Variants in SERAC1 observed in about 807,000 individuals in gnomAD.
SERAC1 encodes the protein serine active site containing 1.
A neutral mutation model predicts 85.7 loss-of-function variants in SERAC1; 36 were observed. The observed-to-expected ratio is 0.42, with a 90% CI of 0.32 to 0.55. The LOEUF is 0.55. SERAC1 is among the 20% of genes least tolerant of loss of function. The probability of loss-of-function intolerance (pLI) is 0.11; values close to 1 mark genes in which losing one functional copy is unlikely to be tolerated. For synonymous variants in SERAC1, 242 were observed against 265.3 expected, an observed-to-expected ratio of 0.91 and a Z score of 0.85; for missense variants, 629 against 796.2, an observed-to-expected ratio of 0.79 and a Z score of 2.53.
At position 158,117,975 on chromosome 6, in the gene SERAC1, A is replaced by ACTAT. The variant is rs1303663084; in HGVS notation, c.1309-158_1309-155dup. Among the ~76,000 whole-genome samples, 5 of 152,128 alleles carry ACTAT rather than the reference A, an allele frequency of 3.3e-5. No individual in the cohort carries two copies. Among genetic ancestry groups the ACTAT allele is most frequent in the East Asian group, 1.9e-4 (1 of 5,204 alleles). ...AAGGTACCGTAAAAACAATTCCAGC[A>ACTAT]CTATCTTTTCAAGTCTCTGGTCTCG... On this transcript the variant is annotated intron_variant, in intron 12 of 16. Coordinates refer to ENST00000647468, the MANE Select transcript of SERAC1 (RefSeq NM_032861.4). The surrounding 1 kb of genome is among the most constrained non-coding windows in gnomAD (Gnocchi z 4.3).
chr6:158,146,852 C>G lies in SERAC1; in HGVS notation c.417G>C (p.Lys139Asn). The G allele has an allele frequency of 6.2e-7, 1 of 1,614,020 alleles. No homozygotes were observed. Among genetic ancestry groups the G allele is most frequent in the South Asian group, 1.1e-5 (1 of 91,084 alleles). Reference sequence around the variant, plus strand: ...GCGTGGTTTTGTCATCTGACTTGCTCTTCCGTAGGAGCAGCCACACAGCAC... The same window carrying G: ...GCGTGGTTTTGTCATCTGACTTGCTGTTCCGTAGGAGCAGCCACACAGCAC... ...HECAVWLLLRKSKSDDKTTRL... is the reference protein window; with the variant it reads ...HECAVWLLLRNSKSDDKTTRL... Residue 139 changes from lysine (K) to asparagine (N), a missense_variant, in exon 6 of 17, where the codon AAG (lysine) becomes AAC (asparagine). Lys to Asn is a moderately conservative substitution (Grantham distance 94, BLOSUM62 0). Coordinates refer to ENST00000647468, the MANE Select transcript of SERAC1 (RefSeq NM_032861.4).
At chr6:158,114,412 A>AAATT (rs1195330287) in intron 15 of SERAC1, 14 of 890,826 alleles carry the variant, frequency 1.6e-5, no homozygotes, top group African/African-American at 3.6e-5. Context: ...GAGTACTTTA[A>AAATT]AATTAATACT....
chr6:158,134,348 G>A (rs1265984693), intron 8 of SERAC1, among the ~76,000 whole-genome samples: 1 of 152,150 alleles, frequency 6.6e-6, no homozygotes, highest in Admixed American at 6.5e-5. Context: ...AGCCCTAAAA[G>A]GAACCAAGCC....
intron 5 of SERAC1, 97 bp from the exon 6 acceptor site, chr6:158,147,010 T>C (rs1785077304): frequency 7.8e-7 from 1 of 1,278,000 alleles, no homozygotes; most frequent in Non-Finnish European, 1.1e-6. Flanking sequence ...AAATCTACAA[T>C]TGGAGAGTTA....
intron 1 of SERAC1, among the ~76,000 whole-genome samples, chr6:158,164,518 T>C (rs1233449158): frequency 1.3e-5 from 2 of 152,046 alleles, no homozygotes; most frequent in Admixed American, 6.6e-5. Flanking sequence ...ACATAAAATC[T>C]GAAACACTGA....
intron 8 of SERAC1, among the ~76,000 whole-genome samples, chr6:158,133,498 G>C (rs1784726980): frequency 6.8e-6 from 1 of 146,860 alleles, no homozygotes; most frequent in Non-Finnish European, 1.5e-5. Flanking sequence ...TTATTCTCCT[G>C]CCTCAGCCTC....
intron 10 of SERAC1, among the ~76,000 whole-genome samples, chr6:158,123,860 G>T (rs995720912): frequency 1.3e-5 from 2 of 152,202 alleles, no homozygotes; most frequent in Non-Finnish European, 2.9e-5. Context: ...GGGGTCTGTG[G>T]ATAGAAGATT....
intron 1 of SERAC1, among the ~76,000 whole-genome samples, chr6:158,167,220 T>C (rs919311141): frequency 1.1e-5 from 1 of 92,852 alleles, no homozygotes; most frequent in Admixed American, 1.5e-4. Flanking sequence ...ACACACACGA[T>C]GTTAAAAAAA....
Position 158,119,004 on chromosome 6 carries a change from G to T in SERAC1, c.1308+25C>A. On this transcript the variant is annotated intron_variant, in intron 12 of 16. Coordinates refer to ENST00000647468, the MANE Select transcript of SERAC1 (RefSeq NM_032861.4). The surrounding 1 kb of genome is among the most constrained non-coding windows in gnomAD (Gnocchi z 4.5). ...CCAGCAACCAGGGCCCCAGCAACCA[G>T]GGCCAGAGTCAGTGGCTCCCTTACC... 1 of 1,605,274 alleles carries T rather than the reference G, an allele frequency of 6.2e-7. No individual in the cohort carries two copies. The highest frequency in any genetic ancestry group is 8.5e-7 in the Non-Finnish European group (1 of 1,174,606).
chr6:158,111,682 A>G (rs1462035682), intron 16 of SERAC1, 180 bp from the exon 17 acceptor site: 2 of 484,930 alleles, frequency 4.1e-6, no homozygotes, highest in Non-Finnish European at 7.2e-6. Flanking sequence ...AACATGCAGG[A>G]AGGGATTCTC....
intron 10 of SERAC1, among the ~76,000 whole-genome samples, chr6:158,124,160 T>C (rs908402784): frequency 1.3e-5 from 2 of 152,036 alleles, no homozygotes; most frequent in Non-Finnish European, 2.9e-5. Context: ...TTTTTTTCTA[T>C]AATAAGATAC....
At chr6:158,133,487 G>A (rs751140023) in intron 8 of SERAC1, among the ~76,000 whole-genome samples, 3 of 145,880 alleles carry the variant, frequency 2.1e-5, no homozygotes, top group African/African-American at 7.7e-5. Flanking sequence ...CCGGGTTCAA[G>A]TTATTCTCCT....
At chr6:158,132,425 AGTC>A (rs1784698955) in intron 8 of SERAC1, among the ~76,000 whole-genome samples, 1 of 152,184 alleles carries the variant, frequency 6.6e-6, no homozygotes, top group Non-Finnish European at 1.5e-5. Flanking sequence ...AGTCATGAAA[AGTC>A]GTCCTTCTCT....
At chr6:158,158,116 G>T (rs960088407) in intron 2 of SERAC1, among the ~76,000 whole-genome samples, 157 bp downstream of exon 2, 1 of 152,046 alleles carries the variant, frequency 6.6e-6, no homozygotes. Flanking sequence ...TATGGCTCTG[G>T]GCCTATAAAT....
At chr6:158,143,465 C>T (rs1784980388) in intron 7 of SERAC1, among the ~76,000 whole-genome samples, 1 of 151,342 alleles carries the variant, frequency 6.6e-6, no homozygotes, top group Non-Finnish European at 1.5e-5. Flanking sequence ...AGTCACCCAC[C>T]CAGGTAAATA....
Position 158,116,181 on chromosome 6 carries a change from T to C in SERAC1, c.1501+4A>G, listed in dbSNP as rs755406082. 14 of 1,612,424 alleles carry C rather than the reference T, an allele frequency of 8.7e-6. No homozygotes were observed. In the African/African-American group the frequency reaches 1.5e-4, roughly 17 times the overall value. ...CCACTTCACAAAGTTGAAGCCACAC[T>C]TACCTCCCATGCTATGTGATATCCA... On this transcript the variant is annotated splice_donor_region_variant and intron_variant, in intron 14 of 16. Coordinates refer to ENST00000647468, the MANE Select transcript of SERAC1 (RefSeq NM_032861.4).
At chr6:158,132,970 C>A (rs1347710295) in intron 8 of SERAC1, among the ~76,000 whole-genome samples, 1 of 152,008 alleles carries the variant, frequency 6.6e-6, no homozygotes, top group Non-Finnish European at 1.5e-5. Context: ...TAAGGAAGTG[C>A]ACAGGAAAAG....
At chr6:158,127,359 C>G (rs1277166917) in intron 10 of SERAC1, among the ~76,000 whole-genome samples, 1 of 31,654 alleles carries the variant, frequency 3.2e-5, no homozygotes, top group African/African-American at 1.2e-4. Flanking sequence ...GCCGCCCCGT[C>G]CGGGAGGGAG....
intron 7 of SERAC1, among the ~76,000 whole-genome samples, chr6:158,143,467 A>C (rs1393050663): frequency 6.6e-6 from 1 of 151,960 alleles, no homozygotes; most frequent in Non-Finnish European, 1.5e-5. Context: ...TCACCCACCC[A>C]GGTAAATAAA....
Sources: gnomAD v4.1 joint callset for allele counts (sites outside exome capture counted in the v4.1 genomes callset) on GRCh38, gnomAD v4.1.1 for gene constraint, Gnocchi (gnomAD v3.1) non-coding constraint, MANE v1.5 for transcripts, NCBI Gene and HGNC (gene_info 2026-07-23, HGNC 2026-07-21) for gene names.